DCC: variants seen among roughly 807,000 people sequenced by gnomAD.
DCC encodes DCC netrin 1 receptor.
DCC carries 58 observed loss-of-function variants against 172.5 expected under a neutral mutation model. That is an observed-to-expected ratio of 0.34 (90% CI 0.27 to 0.42). DCC has a LOEUF of 0.42. Among genes scored for constraint, DCC ranks in the 10% least tolerant of loss-of-function variants. DCC has a pLI of 1.00. For missense variants in DCC, 1,740 were observed against 1,791.0 expected (o/e 0.97, Z 0.51); for synonymous variants, 709 against 644.5 (o/e 1.10, Z -1.52).
chr18:52,644,514 G>A (rs1455554068), intron 1 of DCC, among the ~76,000 whole-genome samples: 1 of 149,084 alleles, frequency 6.7e-6, no homozygotes, highest in Non-Finnish European at 1.5e-5. Context: ...GGGAGGCGGA[G>A]CTTGCGGTGA....
intron 1 of DCC, among the ~76,000 whole-genome samples, chr18:52,662,195 G>T (rs550182511): frequency 1.3e-5 from 2 of 152,248 alleles, no homozygotes; most frequent in East Asian, 3.9e-4. Flanking sequence ...TTCAACCTAG[G>T]AATATACATT....
chr18:52,877,108 C>T (rs1171381671), intron 2 of DCC, among the ~76,000 whole-genome samples: 4 of 152,174 alleles, frequency 2.6e-5, no homozygotes, highest in Non-Finnish European at 4.4e-5. Context: ...TAATCGTACC[C>T]TGGAAACAAA....
rs2038391054 is a variant in DCC at position 52,820,778 on chromosome 18, C to T, written c.412+68404C>T. Among the ~76,000 whole-genome samples the T allele has an allele frequency of 2.0e-5, 3 of 152,134 alleles. No individual in the cohort carries two copies. In the South Asian group the frequency reaches 6.2e-4, roughly 31 times the overall value. ...GCTCAGGCACACAGAAATCAACTTA[C>T]TATCATTGTTCAAGTCTAACCTCAG... is the stretch of plus-strand genomic sequence containing the variant. On this transcript the variant is annotated intron_variant, in intron 2 of 28. Coordinates refer to ENST00000442544, the MANE Select transcript of DCC (RefSeq NM_005215.4).
intron 26 of DCC, among the ~76,000 whole-genome samples, chr18:53,491,008 T>C (rs1353583927): frequency 6.6e-6 from 1 of 152,206 alleles, no homozygotes; most frequent in Non-Finnish European, 1.5e-5. Context: ...CATTAGGCAC[T>C]TTCCTATTCT....
chr18:52,891,160 G>T lies in DCC; in HGVS notation c.413-14884G>T, dbSNP rs545884790. ...GTCGGTCAGATTTCTGTAATATTGGGGTTTTCATTGACTTCTCTCTTACCA... is the reference window on the plus strand; with the variant it reads ...GTCGGTCAGATTTCTGTAATATTGGTGTTTTCATTGACTTCTCTCTTACCA... On this transcript the variant is annotated intron_variant, in intron 2 of 28. Transcript: ENST00000442544. 2.6e-5 allele frequency among the ~76,000 whole-genome samples: 4 copies of T among 152,076 alleles called. No individual in the cohort carries two copies. In the East Asian group the frequency reaches 7.7e-4, roughly 29 times the overall value.
chr18:52,950,662 C>T (rs951166873), intron 5 of DCC, among the ~76,000 whole-genome samples: 3 of 152,066 alleles, frequency 2.0e-5, no homozygotes, highest in South Asian at 2.1e-4. Context: ...TGGTGGCTCA[C>T]GCCTGTAATT....
intron 5 of DCC, among the ~76,000 whole-genome samples, chr18:53,047,283 T>TATATATATAA: frequency 5.6e-5 from 1 of 17,980 alleles, no homozygotes; most frequent in African/African-American, 4.5e-4. Context: ...TATATATATA[T>TATATATATAA]ATATAATTTT....
intron 8 of DCC, among the ~76,000 whole-genome samples, chr18:53,168,387 A>G (rs573883451): frequency 1.3e-5 from 2 of 152,112 alleles, no homozygotes; most frequent in Non-Finnish European, 2.9e-5. Flanking sequence ...TGCAGCCATA[A>G]AAAAGGGATG....
chr18:53,155,383 C>T (rs775804749), intron 7 of DCC, among the ~76,000 whole-genome samples: 41 of 152,124 alleles, frequency 2.7e-4, no homozygotes, highest in Non-Finnish European at 5.1e-4. Context: ...TGATTTGTGG[C>T]TAGAGATCAC....
intron 5 of DCC, among the ~76,000 whole-genome samples, chr18:52,960,576 C>T (rs1234368177): frequency 1.3e-5 from 2 of 152,076 alleles, no homozygotes; most frequent in African/African-American, 2.4e-5. Flanking sequence ...ACTCCAAAAT[C>T]AAGATGACAT....
intron 2 of DCC, among the ~76,000 whole-genome samples, chr18:52,890,769 C>T (rs2039637471): frequency 6.6e-6 from 1 of 152,040 alleles, no homozygotes; most frequent in Admixed American, 6.6e-5. Context: ...ATCTATGCGT[C>T]ACTTTAAATA....
intron 5 of DCC, among the ~76,000 whole-genome samples, chr18:53,001,404 A>G (rs753584723): frequency 5.3e-5 from 8 of 152,134 alleles, no homozygotes; most frequent in Non-Finnish European, 8.8e-5. Flanking sequence ...ACTTAGCATT[A>G]CCGATTATTA....
rs1427244860 is a variant in DCC, at chr18:53,207,740, G to T, written c.1784G>T (p.Ser595Ile). The T allele has an allele frequency of 2.5e-5, 40 of 1,612,702 alleles. No individual in the cohort carries two copies. The highest frequency in any genetic ancestry group is 3.3e-5 in the Non-Finnish European group (39 of 1,178,940). Residue 595 changes from serine to isoleucine, a missense_variant, in exon 11 of 29, where the codon AGT (serine) becomes ATT (isoleucine). By Grantham distance (142) the Ser-to-Ile change is moderately radical. This residue lies in a region of DCC where 1,732 missense variants were observed against 1,767.4 expected (regional missense o/e 0.98). Transcript: ENST00000442544. ...GGCCTGAAAAAATTCACCGAATATA[G>T]TCTTCGATTCTTAGCTTATAATCGC... ...LEGLKKFTEY[S>I]LRFLAYNRYG... is the part of the protein sequence containing the mutation.
chr18:52,877,545 A>C (rs2145396839), intron 2 of DCC, among the ~76,000 whole-genome samples: 1 of 152,110 alleles, frequency 6.6e-6, no homozygotes, highest in South Asian at 2.1e-4. Flanking sequence ...TGTCTCTATA[A>C]AAAATACAAA....
rs1326538499 is a variant in DCC at position 52,523,821 on chromosome 18, G to C, written c.91+182943G>C. Among the ~76,000 whole-genome samples the C allele has an allele frequency of 3.9e-5, 6 of 152,280 alleles. No homozygotes were observed. In the South Asian group the frequency reaches 1.2e-3, roughly 32 times the overall value. On this transcript the variant is annotated intron_variant, in intron 1 of 28. Coordinates refer to ENST00000442544, the MANE Select transcript of DCC (RefSeq NM_005215.4). ...TTTTAAAGTTTGTTTATTAATACCA[G>C]CAGGGACTTGGGATTATCATTTAGT...
At chr18:52,666,659 A>G (rs780494869) in intron 1 of DCC, among the ~76,000 whole-genome samples, 2 of 152,176 alleles carry the variant, frequency 1.3e-5, no homozygotes, top group African/African-American at 2.4e-5. Context: ...CTTTGGCTCA[A>G]TTCAGATTAT....
chr18:52,540,897 C>T (rs758056378), intron 1 of DCC, among the ~76,000 whole-genome samples: 14 of 152,194 alleles, frequency 9.2e-5, no homozygotes, highest in African/African-American at 2.2e-4. Flanking sequence ...TGAGCCACCG[C>T]GCCCGGCCTC....
At chr18:52,467,556 T>A (rs909267664) in intron 1 of DCC, among the ~76,000 whole-genome samples, 3 of 152,218 alleles carry the variant, frequency 2.0e-5, no homozygotes, top group Non-Finnish European at 4.4e-5. Context: ...CCTTTGGGTA[T>A]ATACCCAATA....
Position 53,500,528 on chromosome 18 carries a change from A to G in DCC, c.4111+1018A>G, listed in dbSNP as rs890702856. ...GCATTAGTACACAAGCCACATAATGACTGTAAAAGCTAGAAAAATGATTGT... is the reference window on the plus strand; with the variant it reads ...GCATTAGTACACAAGCCACATAATGGCTGTAAAAGCTAGAAAAATGATTGT... On this transcript the variant is annotated intron_variant, in intron 27 of 28. Coordinates refer to ENST00000442544, the MANE Select transcript of DCC (RefSeq NM_005215.4). Among the ~76,000 whole-genome samples the G allele has an allele frequency of 3.3e-5, 5 of 152,004 alleles. No individual in the cohort carries two copies. The East Asian group carries it at 9.6e-4, about 29-fold the overall frequency.
Sources: allele counts gnomAD v4.1 joint callset (sites outside exome capture counted in the v4.1 genomes callset), GRCh38; gene constraint gnomAD v4.1.1; regional missense constraint gnomAD v4.1.1; transcripts MANE v1.5; gene names NCBI Gene and HGNC (gene_info 2026-07-23, HGNC 2026-07-21).